CLRN1: variants seen among roughly 807,000 people sequenced by gnomAD.
CLRN1 encodes clarin 1.
Under a neutral mutation model 18.7 loss-of-function variants are expected in CLRN1, and 15 were observed. The ratio of observed to expected loss-of-function variants is 0.80; its 90% confidence interval spans 0.54 to 1.23. The LOEUF (loss-of-function observed/expected upper bound fraction) is 1.23, where lower values mean the gene tolerates loss of function less well. Ranked by LOEUF, CLRN1 falls within the 50% of genes most tolerant of loss-of-function variation. CLRN1 has a pLI of 0.00. For synonymous variants in CLRN1, 104 were observed against 102.9 expected (o/e 1.01, Z -0.07); for missense variants, 311 against 277.5 (o/e 1.12, Z -0.86).
At chr3:150,967,263 A>G (rs567604731) in intron 1 of CLRN1, among the ~76,000 whole-genome samples, 1 of 152,304 alleles carries the variant, frequency 6.6e-6, no homozygotes, top group South Asian at 2.1e-4. Flanking sequence ...AGTTGTTTTG[A>G]AATAATAGAG....
chr3:150,964,603 C>T (rs1356462792), intron 1 of CLRN1, among the ~76,000 whole-genome samples: 1 of 152,106 alleles, frequency 6.6e-6, no homozygotes, highest in African/African-American at 2.4e-5. Context: ...GACATATGCC[C>T]ACATATGTTT....
chr3:150,945,075 C>A (rs1013556940), intron 1 of CLRN1, among the ~76,000 whole-genome samples: 4 of 152,166 alleles, frequency 2.6e-5, no homozygotes, highest in African/African-American at 9.7e-5. Flanking sequence ...CAGGGCCAGT[C>A]CTGCACTTGC....
Position 150,927,361 on chromosome 3 carries a change from A to G in CLRN1, c.*575T>C. 1 of 432,698 alleles carries G rather than the reference A, an allele frequency of 2.3e-6. No homozygotes were observed. Among genetic ancestry groups the G allele is most frequent in the Non-Finnish European group, 4.6e-6 (1 of 217,710 alleles). The allele number at this position is 432,698 out of a possible 1,614,324, so 26.8% of individuals were successfully genotyped here. ...CTGTAACTCGAACTCCTGAACTCAA[A>G]TGATCTTCCCACCTTGGCCTCCTGA... On this transcript the variant is annotated 3_prime_UTR_variant, in exon 3 of 3. Coordinates refer to ENST00000327047, the MANE Select transcript of CLRN1 (RefSeq NM_174878.3).
intron 1 of CLRN1, among the ~76,000 whole-genome samples, chr3:150,970,685 G>A (rs1371390962): frequency 6.6e-6 from 1 of 152,166 alleles, no homozygotes; most frequent in East Asian, 1.9e-4. Flanking sequence ...TTCTTCACTA[G>A]GCTAGGGGGA....
At chr3:150,957,607 CT>C (rs2107976095) in intron 1 of CLRN1, among the ~76,000 whole-genome samples, 1 of 152,310 alleles carries the variant, frequency 6.6e-6, no homozygotes, top group Admixed American at 6.5e-5. Context: ...CAAGTCTCCC[CT>C]CTCTACCCAT....
At chr3:150,939,458 C>T (rs768003295) in intron 2 of CLRN1, among the ~76,000 whole-genome samples, 10 of 152,180 alleles carry the variant, frequency 6.6e-5, no homozygotes, top group African/African-American at 1.9e-4. Context: ...GGAGTTACCT[C>T]GGAGTCTCTT....
At chr3:150,956,627 C>A (rs115649693) in intron 1 of CLRN1, among the ~76,000 whole-genome samples, 5 of 152,108 alleles carry the variant, frequency 3.3e-5, no homozygotes, top group African/African-American at 1.2e-4. Context: ...GTTAATGACT[C>A]GGAGTGAAAA....
At chr3:150,929,576 G>A (rs1713026375) in intron 2 of CLRN1, among the ~76,000 whole-genome samples, 2 of 152,152 alleles carry the variant, frequency 1.3e-5, no homozygotes, top group Non-Finnish European at 2.9e-5. Flanking sequence ...ATAAAAGGTG[G>A]CTAATATAAA....
chr3:150,961,944 C>A (rs1435965719), intron 1 of CLRN1, among the ~76,000 whole-genome samples: 3 of 152,156 alleles, frequency 2.0e-5, no homozygotes, highest in Non-Finnish European at 2.9e-5. Context: ...TAAAAGGAGA[C>A]CTGATGGTAT....
intron 1 of CLRN1, among the ~76,000 whole-genome samples, chr3:150,960,126 GT>G (rs1438367902): frequency 2.6e-5 from 4 of 152,106 alleles, no homozygotes; most frequent in Non-Finnish European, 5.9e-5. Context: ...ATGCATGTTG[GT>G]CTCGATATCT....
Position 150,927,207 on chromosome 3 carries a change from T to G in CLRN1, c.*729A>C, listed in dbSNP as rs982776848. ...CTAAGCTTGGTTTTTTCTTCTTTTC[T>G]TCTTTTAGAGTTTGCAGATTTTGAC... is the stretch of plus-strand genomic sequence containing the variant. On this transcript the variant is annotated 3_prime_UTR_variant, in exon 3 of 3. Coordinates refer to ENST00000327047, the MANE Select transcript of CLRN1 (RefSeq NM_174878.3). The G allele has an allele frequency of 6.1e-5, 32 of 525,450 alleles. No homozygotes were observed. The highest frequency in any genetic ancestry group is 1.1e-4 in the Non-Finnish European group (31 of 274,522). The allele number at this position is 525,450 out of a possible 1,614,324, so 32.5% of individuals were successfully genotyped here.
At chr3:150,967,753 AGAG>A (rs1336584537) in intron 1 of CLRN1, among the ~76,000 whole-genome samples, 1 of 152,208 alleles carries the variant, frequency 6.6e-6, no homozygotes, top group Non-Finnish European at 1.5e-5. Context: ...CAGGTCAGCA[AGAG>A]ACAAGAGTCA....
At chr3:150,953,352 C>T (rs1714582633) in intron 1 of CLRN1, among the ~76,000 whole-genome samples, 1 of 152,110 alleles carries the variant, frequency 6.6e-6, no homozygotes, top group Non-Finnish European at 1.5e-5. Context: ...CTTTCATTCT[C>T]TTATCTTTGA....
chr3:150,972,556 C>T lies in CLRN1; in HGVS notation c.153G>A (p.Gly51=). The T allele has an allele frequency of 6.2e-7, 1 of 1,614,088 alleles. No homozygotes were observed. Among genetic ancestry groups the T allele is most frequent in the East Asian group, 2.2e-5 (1 of 44,890 alleles). Residue 51 remains glycine, a synonymous_variant, in exon 1 of 3, where the codon GGG becomes GGA. Coordinates refer to ENST00000327047, the MANE Select transcript of CLRN1 (RefSeq NM_174878.3). The stretch of plus-strand genomic sequence containing the variant: ...CACCCATAAACTTGTCCAGCTCCTG[C>T]CCTGAGGCATTGACGAGCAGAGCTC... The part of the protein sequence containing the change: ...KTGALLVNAS[G]QELDKFMGEM...
At chr3:150,955,283 G>C (rs1172569459) in intron 1 of CLRN1, among the ~76,000 whole-genome samples, 1 of 152,212 alleles carries the variant, frequency 6.6e-6, no homozygotes, top group Non-Finnish European at 1.5e-5. Flanking sequence ...GAACCCGGGA[G>C]TGATGGGTGT....
intron 2 of CLRN1, among the ~76,000 whole-genome samples, chr3:150,929,092 C>A (rs1712988179): frequency 6.6e-6 from 1 of 152,170 alleles, no homozygotes; most frequent in Non-Finnish European, 1.5e-5. Flanking sequence ...TGGACTTCAA[C>A]CTCTAGATTT....
chr3:150,971,444 C>A (rs1367474256), intron 1 of CLRN1, among the ~76,000 whole-genome samples: 1 of 152,008 alleles, frequency 6.6e-6, no homozygotes, highest in East Asian at 1.9e-4. Flanking sequence ...TAGACCAGCA[C>A]TGAAATTTAA....
chr3:150,928,027 C>T lies in CLRN1; in HGVS notation c.608G>A (p.Gly203Glu). ...FFCFFVHFLNGLLIRLAGFQF... is the reference protein window; with the variant it reads ...FFCFFVHFLNELLIRLAGFQF... ...AAATCCAGCAAGTCGTATTAGGAGC[C>T]CATTCAGAAAATGAACAAAAAAGCA... Residue 203 changes from glycine to glutamate, a missense_variant, in exon 3 of 3, where the codon GGG (glycine) becomes GAG (glutamate). Transcript: ENST00000327047. The T allele has an allele frequency of 1.2e-6, 2 of 1,614,048 alleles. No individual in the cohort carries two copies. Among genetic ancestry groups the T allele is most frequent in the Non-Finnish European group, 1.7e-6 (2 of 1,180,014 alleles).
intron 1 of CLRN1, among the ~76,000 whole-genome samples, chr3:150,968,529 G>A (rs1008269766): frequency 6.6e-6 from 1 of 152,118 alleles, no homozygotes; most frequent in South Asian, 2.1e-4. Context: ...ATGCTGGCAG[G>A]GCAGATTCTT....
Sources: gnomAD v4.1 joint callset for allele counts (sites outside exome capture counted in the v4.1 genomes callset) on GRCh38, gnomAD v4.1.1 for gene constraint, MANE v1.5 for transcripts, NCBI Gene and HGNC (gene_info 2026-07-23, HGNC 2026-07-21) for gene names.